MYRFL: variants seen among roughly 807,000 people sequenced by gnomAD.
MYRFL encodes the protein myelin regulatory factor like.
In MYRFL, 88 loss-of-function variants were observed where a neutral mutation model predicts 109.4. The observed-to-expected ratio is 0.80, with a 90% CI of 0.68 to 0.96. MYRFL has a LOEUF of 0.96. Ranked by LOEUF, MYRFL falls within the 40% of genes least tolerant of loss-of-function variation. MYRFL has a pLI of 0.00. For synonymous variants in MYRFL, 324 were observed against 320.9 expected (o/e 1.01, Z -0.10); for missense variants, 957 against 954.9 (o/e 1.00, Z -0.03).
chr12:69,852,842 G>A (rs1016627639), intron 1 of MYRFL, among the ~76,000 whole-genome samples: 2 of 151,892 alleles, frequency 1.3e-5, no homozygotes, highest in African/African-American at 4.8e-5. Flanking sequence ...ATCTTGCACC[G>A]CCCTTAATCC....
intron 5 of MYRFL, among the ~76,000 whole-genome samples, chr12:69,884,877 C>T (rs894653041): frequency 6.6e-6 from 1 of 152,226 alleles, no homozygotes; most frequent in African/African-American, 2.4e-5. Flanking sequence ...CATGATTACT[C>T]CCATTTTGCA....
chr12:69,905,462 T>C (rs777004959), intron 11 of MYRFL, among the ~76,000 whole-genome samples: 1 of 152,196 alleles, frequency 6.6e-6, no homozygotes. Flanking sequence ...TTCCTGCTCA[T>C]GGCAGCATGA....
At chr12:69,956,842 A>G (rs1278482026) in intron 22 of MYRFL, among the ~76,000 whole-genome samples, 3 of 152,136 alleles carry the variant, frequency 2.0e-5, no homozygotes, top group Non-Finnish European at 4.4e-5. Flanking sequence ...TAAATGTACT[A>G]TTCTTATAAA....
chr12:69,870,792 T>C lies in MYRFL; in HGVS notation c.138-8236T>C, dbSNP rs557062141. On this transcript the variant is annotated intron_variant, in intron 2 of 24. Coordinates refer to ENST00000552032, the MANE Select transcript of MYRFL (RefSeq NM_182530.3). Reference sequence around the variant, plus strand: ...AGGGGAAGGAACTCTAAAGACAGCATTTAATATTTTAAAATCTTCATCTTA... The same window carrying C: ...AGGGGAAGGAACTCTAAAGACAGCACTTAATATTTTAAAATCTTCATCTTA... 7.5e-4 allele frequency among the ~76,000 whole-genome samples: 114 copies of C among 152,300 alleles called. 1 individual carries two copies. Among genetic ancestry groups the C allele is most frequent in the Non-Finnish European group, 7.4e-5 (5 of 68,018 alleles).
intron 5 of MYRFL, among the ~76,000 whole-genome samples, chr12:69,882,342 C>T (rs1354938897): frequency 6.6e-6 from 1 of 152,102 alleles, no homozygotes; most frequent in Non-Finnish European, 1.5e-5. Flanking sequence ...CAAAACAAAA[C>T]ATTTAGTTAA....
chr12:69,827,641 A>G (rs1050211868), intron 1 of MYRFL, among the ~76,000 whole-genome samples: 4 of 152,136 alleles, frequency 2.6e-5, no homozygotes, highest in African/African-American at 9.6e-5. Context: ...TATAATAACT[A>G]AAAATTGGTT....
intron 1 of MYRFL, among the ~76,000 whole-genome samples, chr12:69,844,541 T>C (rs961014985): frequency 1.3e-5 from 2 of 152,126 alleles, no homozygotes; most frequent in African/African-American, 2.4e-5. Flanking sequence ...TAGAAGCAAG[T>C]CAATCCTCCC....
intron 19 of MYRFL, among the ~76,000 whole-genome samples, chr12:69,950,624 G>A (rs77459521): frequency 0.096 from 14,658 of 152,216 alleles, 987 homozygotes; most frequent in Middle Eastern, 0.18. Context: ...TCGAGAAGTA[G>A]TATCAGGATC....
chr12:69,868,625 G>A (rs1885150490), intron 2 of MYRFL, among the ~76,000 whole-genome samples: 1 of 152,184 alleles, frequency 6.6e-6, no homozygotes, highest in African/African-American at 2.4e-5. Context: ...CTGGAGGGGA[G>A]GAGTGGCATC....
chr12:69,841,946 T>C (rs7305307), intron 1 of MYRFL, among the ~76,000 whole-genome samples: 48,149 of 152,000 alleles, frequency 0.32, 7,957 homozygotes, highest in Admixed American at 0.38. Flanking sequence ...GGTAGATGCT[T>C]GTATTAGCCT....
At chr12:69,957,432 T>C (rs904412794) in intron 22 of MYRFL, among the ~76,000 whole-genome samples, 14 of 151,922 alleles carry the variant, frequency 9.2e-5, no homozygotes, top group Non-Finnish European at 1.3e-4. Flanking sequence ...TAAGATTAGG[T>C]TTTAAAAACT....
At chr12:69,843,217 C>T (rs540946426) in intron 1 of MYRFL, among the ~76,000 whole-genome samples, 2 of 152,250 alleles carry the variant, frequency 1.3e-5, no homozygotes, top group East Asian at 1.9e-4. Flanking sequence ...CCTTCTTCTC[C>T]GAAATATCTA....
At position 69,958,517 on chromosome 12, in the gene MYRFL, C is replaced by T. The variant is rs766146896; in HGVS notation, c.2719C>T (p.Arg907Ter). The change falls in exon 25 of 25, where the codon CGA becomes TGA. Residue 907 changes from arginine (R) to a stop codon, truncating the protein, a stop_gained. Transcript: ENST00000552032. LOFTEE classifies it high-confidence loss of function. Reference sequence around the variant, plus strand: ...CACCGATTACTTCTTTTACTTCTATCGACGCTGTGCCTAATTTGTTCAAGT... The same window carrying T: ...CACCGATTACTTCTTTTACTTCTATTGACGCTGTGCCTAATTTGTTCAAGT... ...FFTDYFFYFY[R>*]RCA 24 of 1,534,132 alleles carry T rather than the reference C, an allele frequency of 1.6e-5. No homozygotes were observed. The highest frequency in any genetic ancestry group is 9.8e-5 in the East Asian group (4 of 40,878).
intron 16 of MYRFL, 62 bp downstream of exon 16, chr12:69,932,660 A>G (rs935543375): frequency 1.6e-6 from 2 of 1,255,336 alleles, no homozygotes; most frequent in South Asian, 1.3e-5. Flanking sequence ...TGTTTCTTTT[A>G]TCACATATGA....
chr12:69,895,727 G>A (rs945309254), intron 9 of MYRFL, among the ~76,000 whole-genome samples: 2 of 152,094 alleles, frequency 1.3e-5, no homozygotes, highest in African/African-American at 4.8e-5. Context: ...TGCCTGGCTC[G>A]ATTGCCTCCA....
chr12:69,936,008 G>C, intron 16 of MYRFL, 105 bp from the exon 17 acceptor site: 1 of 1,322,766 alleles, frequency 7.6e-7, no homozygotes, highest in Non-Finnish European at 1.0e-6. Flanking sequence ...CCATCTGTGT[G>C]GCCTGTGAGA....
At chr12:69,836,967 T>G (rs1882981583) in intron 1 of MYRFL, among the ~76,000 whole-genome samples, 1 of 152,218 alleles carries the variant, frequency 6.6e-6, no homozygotes, top group Non-Finnish European at 1.5e-5. Context: ...CTGCCATTTG[T>G]GTTATGCTTG....
chr12:69,903,530 T>C, intron 10 of MYRFL, 114 bp from the exon 11 acceptor site: 2 of 1,157,596 alleles, frequency 1.7e-6, no homozygotes, highest in African/African-American at 3.1e-5. Context: ...CAATACAGGA[T>C]TCTCTTATGA....
At chr12:69,862,136 G>A (rs1565978057) in intron 2 of MYRFL, among the ~76,000 whole-genome samples, 1 of 151,148 alleles carries the variant, frequency 6.6e-6, no homozygotes, top group African/African-American at 2.4e-5. Flanking sequence ...GTACCATGCT[G>A]TTTTGGTTAC....
Sources: gnomAD v4.1 joint callset for allele counts (sites outside exome capture counted in the v4.1 genomes callset) on GRCh38, gnomAD v4.1.1 for gene constraint, MANE v1.5 for transcripts, NCBI Gene and HGNC (gene_info 2026-07-23, HGNC 2026-07-21) for gene names.